The following ZNF347 variants were observed in gnomAD, a reference collection of about 807,000 sequenced individuals.
ZNF347 encodes CTD-2620I22.7.
A neutral mutation model predicts 12.9 loss-of-function variants in ZNF347; 19 were observed. The ratio of observed to expected loss-of-function variants is 1.47; its 90% CI spans 1.03 to 2.16. ZNF347 has a LOEUF of 2.16. Ranked by LOEUF, ZNF347 falls within the 30% of genes most tolerant of loss-of-function variation. The probability of loss-of-function intolerance (pLI) is 0.00; values close to 1 mark genes in which losing one functional copy is unlikely to be tolerated. For missense variants in ZNF347, 1,005 were observed against 990.6 expected, an observed-to-expected ratio of 1.01 and a Z score of -0.19; for synonymous variants, 328 against 340.6, an observed-to-expected ratio of 0.96 and a Z score of 0.41.
rs76086499 is a variant in ZNF347, at chr19:53,150,681, C to A, written c.16-1314G>T. Among the ~76,000 whole-genome samples the A allele has an allele frequency of 6.4e-3, 980 of 152,218 alleles. 10 individuals are homozygous for A. Among genetic ancestry groups the A allele is most frequent in the African/African-American group, 0.022 (895 of 41,544 alleles). ...CTAAAAACTGTGATCATCGCAATAACAATGACAGATGTTTCTGAGCACTTC... is the reference window on the plus strand; with the variant it reads ...CTAAAAACTGTGATCATCGCAATAAAAATGACAGATGTTTCTGAGCACTTC... On this transcript the variant is annotated intron_variant, in intron 2 of 4. Transcript: ENST00000334197.
intron 1 of ZNF347, among the ~76,000 whole-genome samples, chr19:53,154,633 C>T (rs187642716): frequency 3.7e-4 from 56 of 152,160 alleles, no homozygotes; most frequent in Non-Finnish European, 5.7e-4. Context: ...TAAAGCTTAA[C>T]GGGATGTCCT....
At chr19:53,143,297 T>C (rs1450025255) in intron 4 of ZNF347, among the ~76,000 whole-genome samples, 1 of 151,994 alleles carries the variant, frequency 6.6e-6, no homozygotes, top group East Asian at 1.9e-4. Context: ...TACATATGTA[T>C]ATATGTGCCA....
chr19:53,151,039 C>T (rs1284049770), intron 2 of ZNF347, among the ~76,000 whole-genome samples: 1 of 152,206 alleles, frequency 6.6e-6, no homozygotes, highest in Non-Finnish European at 1.5e-5. Flanking sequence ...TGTGCTCAGT[C>T]TGGCATTATT....
chr19:53,135,181 G>C lies in ZNF347; in HGVS notation c.*5127C>G, dbSNP rs1191122915. ...GTGACAAGATGAGTCTTTTAAAGCA[G>C]AATATGCTGAGATCTGAGATTTGAT... On this transcript the variant is annotated 3_prime_UTR_variant, in exon 5 of 5. Coordinates refer to ENST00000334197, the MANE Select transcript of ZNF347 (RefSeq NM_032584.3). 6.6e-6 allele frequency: 1 copy of C among 151,854 alleles called. No individual in the cohort carries two copies. Among genetic ancestry groups the C allele is most frequent in the Admixed American group, 6.6e-5 (1 of 15,250 alleles). 9.4% of individuals were successfully genotyped at this position (151,854 alleles called of 1,614,324 possible).
Position 53,135,939 on chromosome 19 carries a change from A to T in ZNF347, c.*4369T>A, listed in dbSNP as rs1340548276. On this transcript the variant is annotated 3_prime_UTR_variant, in exon 5 of 5. Transcript: ENST00000334197. ...TCATTGCAAAAGTTGCACAAATATC[A>T]TGTTTTGCTGTAAGATCCTCTGGCT... 1 of 152,128 alleles carries T rather than the reference A, an allele frequency of 6.6e-6. No individual in the cohort carries two copies. The highest frequency in any genetic ancestry group is 1.5e-5 in the Non-Finnish European group (1 of 68,026). 9.4% of individuals were successfully genotyped at this position (152,128 alleles called of 1,614,324 possible).
Position 53,150,258 on chromosome 19 carries a change from G to C in ZNF347, c.16-891C>G, listed in dbSNP as rs148773601. On this transcript the variant is annotated intron_variant, in intron 2 of 4. Coordinates refer to ENST00000334197, the MANE Select transcript of ZNF347 (RefSeq NM_032584.3). ...GGTCACTCAGCTGGTGTCCAGTGCA[G>C]AATTGCTCCCTTGGTGTGTGTGGGA... 5.3e-3 allele frequency among the ~76,000 whole-genome samples: 808 copies of C among 152,296 alleles called. 8 individuals are homozygous for C. Among genetic ancestry groups the C allele is most frequent in the African/African-American group, 0.019 (775 of 41,560 alleles).
At chr19:53,155,994 G>A (rs985726110) in intron 1 of ZNF347, among the ~76,000 whole-genome samples, 3 of 142,766 alleles carry the variant, frequency 2.1e-5, no homozygotes, top group African/African-American at 2.6e-5. Flanking sequence ...ACCAAAATGT[G>A]TGTGTGGCTT....
rs748997865 is a variant in ZNF347 at position 53,140,416 on chromosome 19, G to T, written c.2412C>A (p.Ser804Arg). ...ECGKPFSICS[S>R]LTTHQTIHTG... ...TATGGATTGTCTGATGGGTAGTTAG[G>T]CTTGAACAGATACTAAAGGGTTTCC... Residue 804 changes from serine to arginine, a missense_variant, in exon 5 of 5, where the codon AGC (serine) becomes AGA (arginine). By Grantham distance (110) the Ser-to-Arg change is moderately radical. Transcript: ENST00000334197. 6 of 1,613,882 alleles carry T rather than the reference G, an allele frequency of 3.7e-6. No homozygotes were observed. The African/African-American group carries it at 8.0e-5, about 22-fold the overall frequency.
At chr19:53,156,424 G>C (rs2090536454) in intron 1 of ZNF347, among the ~76,000 whole-genome samples, 1 of 151,702 alleles carries the variant, frequency 6.6e-6, no homozygotes, top group African/African-American at 2.4e-5. Context: ...AAAAAAGACT[G>C]CATGACGAGG....
rs777199587 is a variant in ZNF347 at position 53,142,343 on chromosome 19, T to G, written c.485A>C (p.Asn162Thr). Residue 162 changes from asparagine (N) to threonine (T), a missense_variant, in exon 5 of 5, where the codon AAT (asparagine) becomes ACT (threonine). Transcript: ENST00000334197. The stretch of plus-strand genomic sequence containing the variant: ...ATGTTCATCTCTTCCATGAGTGAGA[T>G]TGCCTTCTTGGGTCAAAAGCACTCC... ...YKGVLLTQEG[N>T]LTHGRDEHDK... is the part of the protein sequence containing the mutation. The G allele has an allele frequency of 1.2e-6, 2 of 1,614,162 alleles. No individual in the cohort carries two copies. The highest frequency in any genetic ancestry group is 1.3e-5 in the African/African-American group (1 of 75,050).
chr19:53,149,478 T>C, intron 2 of ZNF347, 111 bp from the exon 3 acceptor site: 3 of 1,562,150 alleles, frequency 1.9e-6, no homozygotes, highest in Non-Finnish European at 2.6e-6. Flanking sequence ...ATATCCAAGT[T>C]GTGATATAAT....
chr19:53,134,952 A>C lies in ZNF347; in HGVS notation c.*5356T>G, dbSNP rs2090376881. On this transcript the variant is annotated 3_prime_UTR_variant, in exon 5 of 5. Coordinates refer to ENST00000334197, the MANE Select transcript of ZNF347 (RefSeq NM_032584.3). ...AGACTTAATTGATCTATAAAAATAT[A>C]GATTTAATACAAAGTTACCACAATC... 6.6e-6 allele frequency: 1 copy of C among 152,236 alleles called. No individual in the cohort carries two copies. Among genetic ancestry groups the C allele is most frequent in the Admixed American group, 6.5e-5 (1 of 15,280 alleles). 9.4% of individuals were successfully genotyped at this position (152,236 alleles called of 1,614,324 possible). A position where few individuals can be genotyped will look rare whatever the true frequency, so the allele number is the denominator to read the frequency against.
intron 1 of ZNF347, among the ~76,000 whole-genome samples, chr19:53,157,323 C>T (rs557512106): frequency 6.6e-6 from 1 of 152,310 alleles, no homozygotes; most frequent in South Asian, 2.1e-4. Flanking sequence ...CTAATCAACG[C>T]ACCACTCACC....
chr19:53,145,290 GAA>G lies in ZNF347; in HGVS notation c.272-2736_272-2735del, dbSNP rs35614813. ...GGGTGACAGAGCAAGAGTCTGTCTAGAAAAAAAAAAAAAAAAGAAGATACAAA... is the reference window on the plus strand; with the variant it reads ...GGGTGACAGAGCAAGAGTCTGTCTAGAAAAAAAAAAAAAAGAAGATACAAA... On this transcript the variant is annotated intron_variant, in intron 4 of 4. Coordinates refer to ENST00000334197, the MANE Select transcript of ZNF347 (RefSeq NM_032584.3). Among the ~76,000 whole-genome samples, 336 of 124,144 alleles carry G rather than the reference GAA, an allele frequency of 2.7e-3. 2 individuals are homozygous for G. The highest frequency in any genetic ancestry group is 3.9e-3 in the Non-Finnish European group (239 of 61,944). The allele number at this position is 124,144 out of a possible 152,430, so 81.4% of individuals were successfully genotyped here. A position where few individuals can be genotyped will look rare whatever the true frequency, so the allele number is the denominator to read the frequency against.
chr19:53,144,359 A>G (rs1208975569), intron 4 of ZNF347, among the ~76,000 whole-genome samples: 3 of 152,242 alleles, frequency 2.0e-5, no homozygotes, highest in Admixed American at 2.0e-4. Context: ...CTTTAAGTCA[A>G]TAAGTGTAAA....
rs921526919 is a variant in ZNF347 at position 53,143,689 on chromosome 19, C to T, written c.272-1133G>A. Among the ~76,000 whole-genome samples the T allele has an allele frequency of 1.1e-4, 17 of 152,118 alleles. No homozygotes were observed. In the South Asian group the frequency reaches 1.9e-3, roughly 17 times the overall value. On this transcript the variant is annotated intron_variant, in intron 4 of 4. Coordinates refer to ENST00000334197, the MANE Select transcript of ZNF347 (RefSeq NM_032584.3). The stretch of plus-strand genomic sequence containing the variant: ...TGTGAATAGTGCCACAATAAACATA[C>T]GTGTGCATGTGTCTTTATAGCAGCA...
At chr19:53,155,630 C>A (rs10405476) in intron 1 of ZNF347, among the ~76,000 whole-genome samples, 12,174 of 152,104 alleles carry the variant, frequency 0.08, 987 homozygotes, top group African/African-American at 0.21. Flanking sequence ...CCGCTGTGCC[C>A]AGCCCTGTGT....
intron 4 of ZNF347, 57 bp downstream of exon 4, chr19:53,148,622 TAG>T (rs2090477518): frequency 1.3e-6 from 2 of 1,542,402 alleles, no homozygotes; most frequent in Non-Finnish European, 8.8e-7. Flanking sequence ...CAGATTTGCA[TAG>T]AGTTTCCCAA....
At position 53,148,680 on chromosome 19, in the gene ZNF347, C is replaced by G. The variant is rs765748900; in HGVS notation, c.271+1G>C. 6 of 1,611,804 alleles carry G rather than the reference C, an allele frequency of 3.7e-6. No individual in the cohort carries two copies. The highest frequency in any genetic ancestry group is 3.4e-6 in the Non-Finnish European group (4 of 1,178,844). On this transcript the variant is annotated splice_donor_variant, in intron 4 of 4. Coordinates refer to ENST00000334197, the MANE Select transcript of ZNF347 (RefSeq NM_032584.3). LOFTEE classifies it high-confidence loss of function. ...TTTTCTCTACCCATCTGAACTCTTACCTGTGATCACAGCTTTGATCCATTC... is the reference window on the plus strand; with the variant it reads ...TTTTCTCTACCCATCTGAACTCTTAGCTGTGATCACAGCTTTGATCCATTC...
Sources: gnomAD v4.1 joint callset for allele counts (sites outside exome capture counted in the v4.1 genomes callset) on GRCh38, gnomAD v4.1.1 for gene constraint, MANE v1.5 for transcripts, NCBI Gene and HGNC (gene_info 2026-07-23, HGNC 2026-07-21) for gene names.